The following TMPO variants were observed in gnomAD, a reference collection of about 807,000 sequenced individuals.
TMPO encodes the protein LEM domain containing 4.
Under a neutral mutation model 45.4 loss-of-function variants are expected in TMPO, and 22 were observed. That is an observed-to-expected ratio of 0.48 (90% CI 0.35 to 0.69). The LOEUF is 0.69. TMPO is among the 30% of genes least tolerant of loss of function. The pLI, the probability that TMPO is intolerant of heterozygous loss-of-function variation, is 0.01. For synonymous variants in TMPO, 241 were observed against 204.1 expected (o/e 1.18, Z -1.54); for missense variants, 512 against 548.8 (o/e 0.93, Z 0.67).
Position 98,520,637 on chromosome 12 carries a change from T to TTG in TMPO, c.279+4492_279+4493insGT, listed in dbSNP as rs199903903. Among the ~76,000 whole-genome samples the TTG allele has an allele frequency of 5.7e-3, 861 of 151,646 alleles. 5 individuals carry two copies. The highest frequency in any genetic ancestry group is 8.7e-3 in the Non-Finnish European group (589 of 67,890). ...GGTCTTATTTCTTTTTTCCTTTTTT[T>TTG]TTTTGAAACGGAGTCTCAGTCTGTC... On this transcript the variant is annotated intron_variant, in intron 1 of 8. Coordinates refer to ENST00000556029, the MANE Select transcript of TMPO (RefSeq NM_001032283.3).
intron 1 of TMPO, chr12:98,516,396 C>T: frequency 1.7e-6 from 2 of 1,192,634 alleles, no homozygotes; most frequent in African/African-American, 1.6e-5. Context: ...GCGTTGGCGG[C>T]GGTTGTTTTG....
At chr12:98,541,659 T>A (rs1208763529) in intron 4 of TMPO, among the ~76,000 whole-genome samples, 2 of 152,240 alleles carry the variant, frequency 1.3e-5, no homozygotes, top group Non-Finnish European at 2.9e-5. Flanking sequence ...GTTAGGTTTT[T>A]TTGTTCTCTA....
rs570784156 is a variant in TMPO, at chr12:98,531,954, G to A, written c.565+116G>A. 410 of 803,296 alleles carry A rather than the reference G, an allele frequency of 5.1e-4. 1 individual carries two copies. The highest frequency in any genetic ancestry group is 7.8e-4 in the Non-Finnish European group (394 of 505,910). 49.8% of individuals were successfully genotyped at this position (803,296 alleles called of 1,614,324 possible). A position where few individuals can be genotyped will look rare whatever the true frequency, so the allele number is the denominator to read the frequency against. ...TTGGCAAGATACACAAATTTTATTCGTGTCATTAGAGTAATTCTGTAATTT... is the reference window on the plus strand; with the variant it reads ...TTGGCAAGATACACAAATTTTATTCATGTCATTAGAGTAATTCTGTAATTT... On this transcript the variant is annotated intron_variant, in intron 3 of 8. Transcript: ENST00000556029.
Position 98,532,652 on chromosome 12 carries a change from TTG to T in TMPO, c.565+816_565+817del, listed in dbSNP as rs201794513. On this transcript the variant is annotated intron_variant, in intron 3 of 8. Transcript: ENST00000556029. ...TTGTGATTATTTATTTTGATCCAGA[TTG>T]TTTATATCTCAATAAGCTTTGTCTA... 0.014 allele frequency among the ~76,000 whole-genome samples: 2,137 copies of T among 152,304 alleles called. 48 individuals are homozygous for T. Among genetic ancestry groups the T allele is most frequent in the African/African-American group, 0.048 (1,999 of 41,556 alleles).
intron 4 of TMPO, among the ~76,000 whole-genome samples, chr12:98,543,035 T>C (rs1282974910): frequency 6.6e-6 from 1 of 152,116 alleles, no homozygotes; most frequent in Non-Finnish European, 1.5e-5. Context: ...ATTCCAAATA[T>C]AGATAAATAC....
chr12:98,525,417 TA>T (rs1312145727), intron 1 of TMPO, among the ~76,000 whole-genome samples: 22 of 152,192 alleles, frequency 1.4e-4, no homozygotes, highest in Admixed American at 1.4e-3. Flanking sequence ...AGCAGCTTTT[TA>T]AAAAGAATTT....
chr12:98,533,557 G>A, intron 3 of TMPO: 1 of 1,614,186 alleles, frequency 6.2e-7, no homozygotes, highest in Non-Finnish European at 8.5e-7. Flanking sequence ...TAGACTGAGT[G>A]AGAAGTCAGT....
At chr12:98,537,782 A>C in intron 4 of TMPO, 1 of 640,086 alleles carries the variant, frequency 1.6e-6, no homozygotes, top group Non-Finnish European at 2.8e-6. Context: ...TTAATGTCTC[A>C]TTTGTGTTTG....
At chr12:98,528,158 G>A in intron 2 of TMPO, 146 bp downstream of exon 2, 1 of 819,312 alleles carries the variant, frequency 1.2e-6, no homozygotes. Context: ...TTCTTTGACT[G>A]TAAATGAGTG....
intron 4 of TMPO, among the ~76,000 whole-genome samples, chr12:98,538,520 T>G (rs1200579255): frequency 6.6e-6 from 1 of 152,090 alleles, no homozygotes; most frequent in Non-Finnish European, 1.5e-5. Flanking sequence ...GCTCAGCTAA[T>G]TTTTGTATTT....
At chr12:98,521,372 A>T (rs1292893118) in intron 1 of TMPO, among the ~76,000 whole-genome samples, 1 of 151,952 alleles carries the variant, frequency 6.6e-6, no homozygotes, top group Non-Finnish European at 1.5e-5. Flanking sequence ...TCAGCCTCCC[A>T]GAGTGCTGGG....
intron 3 of TMPO, chr12:98,533,223 T>A: frequency 6.2e-7 from 1 of 1,614,042 alleles, no homozygotes; most frequent in South Asian, 1.1e-5. Flanking sequence ...CTGGTTACTA[T>A]AAAGACATAG....
intron 1 of TMPO, 140 bp downstream of exon 1, chr12:98,516,286 C>T (rs1389869853): frequency 8.0e-7 from 1 of 1,242,416 alleles, no homozygotes; most frequent in Admixed American, 4.3e-5. Flanking sequence ...CCTCGCGTCG[C>T]CCCTTCCCCG....
intron 8 of TMPO, among the ~76,000 whole-genome samples, chr12:98,546,795 A>G (rs1302613964): frequency 1.3e-5 from 2 of 152,212 alleles, no homozygotes; most frequent in African/African-American, 4.8e-5. Flanking sequence ...CGATTGGTAA[A>G]TGGAGGATTT....
rs138259721 is a variant in TMPO at position 98,532,837 on chromosome 12, C to T, written c.565+999C>T. On this transcript the variant is annotated intron_variant, in intron 3 of 8. Transcript: ENST00000556029. The stretch of plus-strand genomic sequence containing the variant: ...TGCCTCTACAGGAAAGAAGAAAGAA[C>T]ACAAGAAAGTGAAGTCCACTAGGGA... The T allele has an allele frequency of 1.1e-5, 18 of 1,614,136 alleles. No individual in the cohort carries two copies. The highest frequency in any genetic ancestry group is 1.4e-5 in the Non-Finnish European group (16 of 1,179,998).
chr12:98,534,636 C>CT (rs972751250), intron 3 of TMPO: 5 of 1,192,152 alleles, frequency 4.2e-6, no homozygotes, highest in East Asian at 1.1e-4. Flanking sequence ...TTCTCCAAAA[C>CT]TAAGAAAATT....
chr12:98,522,991 CAT>C (rs1400959801), intron 1 of TMPO, among the ~76,000 whole-genome samples: 2 of 152,174 alleles, frequency 1.3e-5, no homozygotes, highest in Non-Finnish European at 2.9e-5. Context: ...TCGGTGATAT[CAT>C]AGAGCTGTTG....
At chr12:98,540,125 A>G (rs1877825056) in intron 4 of TMPO, among the ~76,000 whole-genome samples, 1 of 152,210 alleles carries the variant, frequency 6.6e-6, no homozygotes, top group African/African-American at 2.4e-5. Flanking sequence ...TATTTGGTGA[A>G]GAAACCAGGT....
intron 1 of TMPO, among the ~76,000 whole-genome samples, chr12:98,522,506 C>T (rs925086146): frequency 6.6e-6 from 1 of 152,146 alleles, no homozygotes; most frequent in African/African-American, 2.4e-5. Flanking sequence ...TGACACTGAA[C>T]AGTGTCTTAA....
Sources: gnomAD v4.1 joint callset for allele counts (sites outside exome capture counted in the v4.1 genomes callset) on GRCh38, gnomAD v4.1.1 for gene constraint, MANE v1.5 for transcripts, NCBI Gene and HGNC (gene_info 2026-07-23, HGNC 2026-07-21) for gene names.